The following MTHFD1 variants were observed in gnomAD, a reference collection of about 807,000 sequenced individuals.
MTHFD1 encodes C-1-tetrahydrofolate synthase, cytoplasmic.
Under a neutral mutation model 110.3 loss-of-function variants are expected in MTHFD1, and 44 were observed. The observed-to-expected ratio is 0.40, with a 90% CI of 0.31 to 0.51. The LOEUF is 0.51. Ranked by LOEUF, MTHFD1 falls within the 20% of genes least tolerant of loss-of-function variation. MTHFD1 has a pLI of 0.60. For missense variants in MTHFD1, 909 were observed against 1,173.1 expected, an observed-to-expected ratio of 0.77 and a Z score of 3.29; for synonymous variants, 402 against 428.8, an observed-to-expected ratio of 0.94 and a Z score of 0.77.
At chr14:64,456,192 G>A (rs1237891734) in intron 26 of MTHFD1, among the ~76,000 whole-genome samples, 1 of 148,692 alleles carries the variant, frequency 6.7e-6, no homozygotes, top group Non-Finnish European at 1.5e-5. Flanking sequence ...GTAAGGTGGA[G>A]AGAGACACAG....
Position 64,427,476 on chromosome 14 carries a change from A to T in MTHFD1, c.1264+3A>T. 6.2e-7 allele frequency: 1 copy of T among 1,614,092 alleles called. No homozygotes were observed. The highest frequency in any genetic ancestry group is 8.5e-7 in the Non-Finnish European group (1 of 1,179,976). On this transcript the variant is annotated splice_donor_region_variant and intron_variant, in intron 12 of 27. Transcript: ENST00000652337. ...GGGCCCCACCTTTGGAATAAAAGGTACTAGTGAGACTGGACCATGGGTGGT... is the reference window on the plus strand; with the variant it reads ...GGGCCCCACCTTTGGAATAAAAGGTTCTAGTGAGACTGGACCATGGGTGGT...
rs769793034 is a variant in MTHFD1, at chr14:64,417,468, A to G, written c.479-420A>G. ...TTACCAAAGTTAGAAGGAATTACCG[A>G]TACTAATCTAATTTCTTACACATCT... is the stretch of plus-strand genomic sequence containing the variant. On this transcript the variant is annotated intron_variant, in intron 6 of 27. Coordinates refer to ENST00000652337, the MANE Select transcript of MTHFD1 (RefSeq NM_005956.4). The surrounding 1 kb of genome is among the most constrained non-coding windows in gnomAD (Gnocchi z 4.4). Among the ~76,000 whole-genome samples the G allele has an allele frequency of 1.3e-5, 2 of 152,250 alleles. No individual in the cohort carries two copies. The highest frequency in any genetic ancestry group is 2.9e-5 in the Non-Finnish European group (2 of 68,052).
intron 1 of MTHFD1, among the ~76,000 whole-genome samples, chr14:64,397,170 TATATATATATATATATATATAA>T (rs1446684223): frequency 0.076 from 1,550 of 20,358 alleles, 190 homozygotes; most frequent in Non-Finnish European, 0.09. Flanking sequence ...TATATATATA[TATATATATATATATATATATAA>T]AAAACAGTAA....
intron 16 of MTHFD1, among the ~76,000 whole-genome samples, chr14:64,437,277 C>T (rs1238129210): frequency 2.0e-5 from 3 of 152,112 alleles, no homozygotes; most frequent in Admixed American, 6.5e-5. Flanking sequence ...TACACTGCTT[C>T]ACCAATCTCT....
At chr14:64,436,181 G>A (rs978828814) in intron 16 of MTHFD1, among the ~76,000 whole-genome samples, 7 of 151,726 alleles carry the variant, frequency 4.6e-5, no homozygotes, top group East Asian at 1.9e-4. Context: ...TGCAAGCTCT[G>A]CCTCCCAGGT....
chr14:64,388,593 T>A (rs1336129306), intron 1 of MTHFD1, 125 bp downstream of exon 1: 1 of 851,836 alleles, frequency 1.2e-6, no homozygotes, highest in Non-Finnish European at 2.0e-6. Context: ...CCATAACACC[T>A]GAAGACCTGC....
intron 26 of MTHFD1, among the ~76,000 whole-genome samples, chr14:64,456,501 T>C (rs1011917949): frequency 2.6e-5 from 4 of 152,194 alleles, no homozygotes; most frequent in African/African-American, 9.7e-5. Flanking sequence ...GGAGGGAAAA[T>C]CCTCTTGGGG....
chr14:64,427,097 C>A (rs2078124710), intron 11 of MTHFD1, among the ~76,000 whole-genome samples: 3 of 151,246 alleles, frequency 2.0e-5, no homozygotes, highest in Admixed American at 2.0e-4. Context: ...GCTCTGTTGC[C>A]CAGGCTGGAG....
intron 24 of MTHFD1, among the ~76,000 whole-genome samples, chr14:64,452,552 TCACCA>T (rs2078391319): frequency 6.6e-6 from 1 of 152,212 alleles, no homozygotes; most frequent in African/African-American, 2.4e-5. Context: ...ACTGAGGCCC[TCACCA>T]GTTAGACCAC....
At chr14:64,399,529 C>G (rs560963336) in intron 1 of MTHFD1, among the ~76,000 whole-genome samples, 1 of 151,842 alleles carries the variant, frequency 6.6e-6, no homozygotes, top group Admixed American at 6.6e-5. Flanking sequence ...CGTGGTGGCA[C>G]GTGCCTGTAA....
chr14:64,450,331 T>C (rs952721377), intron 24 of MTHFD1, among the ~76,000 whole-genome samples: 2 of 152,240 alleles, frequency 1.3e-5, no homozygotes, highest in African/African-American at 2.4e-5. Context: ...ATTTTTCTGA[T>C]GGCTTTTCAG....
At chr14:64,400,941 C>T (rs1233812267) in intron 2 of MTHFD1, 64 bp downstream of exon 2, 5 of 1,187,854 alleles carry the variant, frequency 4.2e-6, no homozygotes, top group Non-Finnish European at 4.9e-6. Context: ...CATTTCAGAC[C>T]TCTCCCTCTA....
chr14:64,435,657 T>C lies in MTHFD1; in HGVS notation c.1583T>C (p.Ile528Thr). 1 of 1,607,252 alleles carries C rather than the reference T, an allele frequency of 6.2e-7. No individual in the cohort carries two copies. The highest frequency in any genetic ancestry group is 8.5e-7 in the Non-Finnish European group (1 of 1,173,746). ...FARLDIDPETITWQRVLDTND... is the reference protein window; with the variant it reads ...FARLDIDPETTTWQRVLDTND... ...AGATTGGACATTGATCCAGAAACCA[T>C]AACTTGGCAAAGAGGTACCAGAGCA... The change falls in exon 16 of 28, where the codon ATA becomes ACA. Residue 528 changes from isoleucine (I) to threonine (T), a missense_variant. Physicochemically the swap from Ile to Thr is moderately conservative, Grantham distance 89. This residue lies in a region of MTHFD1 where 482 missense variants were observed against 646.0 expected (regional missense o/e 0.75). Coordinates refer to ENST00000652337, the MANE Select transcript of MTHFD1 (RefSeq NM_005956.4).
intron 1 of MTHFD1, 88 bp downstream of exon 1, chr14:64,388,556 G>A (rs901717125): frequency 7.4e-6 from 9 of 1,223,802 alleles, no homozygotes; most frequent in African/African-American, 1.5e-5. Context: ...TTTTGCGGGA[G>A]GGACACTTGT....
At position 64,410,977 on chromosome 14, in the gene MTHFD1, C is replaced by A; in HGVS notation, c.127-113C>A. The A allele has an allele frequency of 3.8e-6, 3 of 785,810 alleles. No homozygotes were observed. In the South Asian group the frequency reaches 4.2e-5, roughly 11 times the overall value. 48.7% of individuals were successfully genotyped at this position (785,810 alleles called of 1,614,324 possible). ...CCTATACTCCTGTAAAAGTTCTCTG[C>A]AACAAGAGTCGCATGATTAAACATT... On this transcript the variant is annotated intron_variant, in intron 2 of 27. Transcript: ENST00000652337.
intron 2 of MTHFD1, among the ~76,000 whole-genome samples, chr14:64,410,214 G>T (rs1163117408): frequency 6.6e-6 from 1 of 152,096 alleles, no homozygotes; most frequent in Non-Finnish European, 1.5e-5. Flanking sequence ...GTTTCTCCCT[G>T]TCTCTCTCTT....
chr14:64,414,285 G>A (rs2078007637), intron 4 of MTHFD1, among the ~76,000 whole-genome samples: 1 of 106,234 alleles, frequency 9.4e-6, no homozygotes, highest in Admixed American at 1.4e-4. Context: ...ACCTGTCCCC[G>A]CTTTTTTTTT....
In MTHFD1 at chr14:64,390,941, A is replaced by C. The variant is rs1195404008; in HGVS notation, c.41+2473A>C. Among the ~76,000 whole-genome samples the C allele has an allele frequency of 3.3e-5, 5 of 151,814 alleles. No homozygotes were observed. The East Asian group carries it at 9.7e-4, about 30-fold the overall frequency. On this transcript the variant is annotated intron_variant, in intron 1 of 27. Coordinates refer to ENST00000652337, the MANE Select transcript of MTHFD1 (RefSeq NM_005956.4). ...TGGGATTACAGGCATGAGCCACTGC[A>C]CCGGTCCTAGAATTTCTTAAAAATC...
chr14:64,421,407 G>T (rs2140960398), intron 8 of MTHFD1, among the ~76,000 whole-genome samples: 1 of 152,256 alleles, frequency 6.6e-6, no homozygotes, highest in Non-Finnish European at 1.5e-5. Context: ...ACGCTGAGCT[G>T]CCAGGAACAT....
Sources: allele counts gnomAD v4.1 joint callset (sites outside exome capture counted in the v4.1 genomes callset), GRCh38; gene constraint gnomAD v4.1.1; regional missense constraint gnomAD v4.1.1; non-coding constraint Gnocchi (gnomAD v3.1); transcripts MANE v1.5; gene names NCBI Gene and HGNC (gene_info 2026-07-23, HGNC 2026-07-21).